CROCC2: variants seen among roughly 807,000 people sequenced by gnomAD.
CROCC2 encodes the protein ciliary rootlet coiled-coil, rootletin family member 2.
A neutral mutation model predicts 177.6 loss-of-function variants in CROCC2; 163 were observed. The ratio of observed to expected loss-of-function variants is 0.92; its 90% confidence interval spans 0.81 to 1.05. CROCC2 has a LOEUF of 1.05. CROCC2 is among the 50% of genes least tolerant of loss of function. CROCC2 has a pLI of 0.00. For synonymous variants in CROCC2, 904 were observed against 787.3 expected (o/e 1.15, Z -2.48); for missense variants, 1,929 against 1,797.8 (o/e 1.07, Z -1.32).
At chr2:240,936,736 G>C (rs1184366993) in intron 14 of CROCC2, among the ~76,000 whole-genome samples, 5 of 152,160 alleles carry the variant, frequency 3.3e-5, no homozygotes, top group Admixed American at 3.3e-4. Flanking sequence ...CCTGAACCCT[G>C]CCTACAAAGA....
intron 18 of CROCC2, among the ~76,000 whole-genome samples, chr2:240,951,274 T>C (rs537107127): frequency 1.4e-5 from 2 of 146,368 alleles, no homozygotes; most frequent in South Asian, 4.4e-4. Flanking sequence ...CATCCGTCTG[T>C]CCATCCATTC....
At chr2:240,923,322 C>A (rs2059369472) in intron 4 of CROCC2, among the ~76,000 whole-genome samples, 2 of 152,008 alleles carry the variant, frequency 1.3e-5, no homozygotes, top group Non-Finnish European at 2.9e-5. Flanking sequence ...GCAACAGACC[C>A]TGGCCACCAG....
At chr2:240,983,171 G>T (rs2059813148) in intron 28 of CROCC2, 142 bp downstream of exon 28, 1 of 939,040 alleles carries the variant, frequency 1.1e-6, no homozygotes. Context: ...CAGGTGAGCA[G>T]GCCTGCAGAG....
intron 27 of CROCC2, among the ~76,000 whole-genome samples, chr2:240,969,180 C>A (rs1412968972): frequency 6.6e-6 from 1 of 152,200 alleles, no homozygotes; most frequent in Non-Finnish European, 1.5e-5. Context: ...ATGAGGGAGG[C>A]CTGGGTGAGC....
chr2:240,967,493 C>A (rs1322928000), intron 26 of CROCC2, 28 bp downstream of exon 26: 4 of 1,546,512 alleles, frequency 2.6e-6, no homozygotes, highest in Non-Finnish European at 3.5e-6. Flanking sequence ...GCCCCGCCCA[C>A]CCTGGGAGTG....
chr2:240,911,511 G>A (rs1559586646), intron 1 of CROCC2, among the ~76,000 whole-genome samples: 1 of 152,020 alleles, frequency 6.6e-6, no homozygotes, highest in Admixed American at 6.5e-5. Context: ...GTAGCCAGGA[G>A]GGTCTCGAAC....
chr2:240,909,241 C>G lies in CROCC2; in HGVS notation c.78+2650C>G, dbSNP rs1048796938. Among the ~76,000 whole-genome samples, 4 of 138,640 alleles carry G rather than the reference C, an allele frequency of 2.9e-5. No individual in the cohort carries two copies. In the Middle Eastern group the frequency reaches 0.011, roughly 366 times the overall value. 91.0% of individuals were successfully genotyped at this position (138,640 alleles called of 152,430 possible). On this transcript the variant is annotated intron_variant, in intron 1 of 31. Transcript: ENST00000690015. ...CTGGGGTGAGCTCTACCTCCTCCAC[C>G]TGGCGTGAGCTCTACCTCCTCCACC...
Position 240,958,236 on chromosome 2 carries a change from C to T in CROCC2, c.2944-1065C>T. 1 of 973,482 alleles carries T rather than the reference C, an allele frequency of 1.0e-6. No homozygotes were observed. The highest frequency in any genetic ancestry group is 1.2e-6 in the Non-Finnish European group (1 of 818,958). 60.3% of individuals were successfully genotyped at this position (973,482 alleles called of 1,614,324 possible). On this transcript the variant is annotated intron_variant, in intron 19 of 31. Coordinates refer to ENST00000690015, the MANE Select transcript of CROCC2 (RefSeq NM_001351305.2). This position sits in a 1 kb window ranked among gnomAD's most constrained non-coding sequence, Gnocchi z 6.7. Reference sequence around the variant, plus strand: ...TGCCATCGGGCTCCCAGCCGATGCCCTGTCCCTGAGGCCCTCACAGGGGTA... The same window carrying T: ...TGCCATCGGGCTCCCAGCCGATGCCTTGTCCCTGAGGCCCTCACAGGGGTA...
chr2:240,949,738 A>G lies in CROCC2; in HGVS notation c.2652+36A>G. 1 of 1,514,164 alleles carries G rather than the reference A, an allele frequency of 6.6e-7. No homozygotes were observed. Among genetic ancestry groups the G allele is most frequent in the Admixed American group, 2.1e-5 (1 of 47,150 alleles). The allele number at this position is 1,514,164 out of a possible 1,614,324, so 93.8% of individuals were successfully genotyped here. A position where few individuals can be genotyped will look rare whatever the true frequency, so the allele number is the denominator to read the frequency against. On this transcript the variant is annotated intron_variant, in intron 17 of 31. Transcript: ENST00000690015. The surrounding 1 kb of genome is among the most constrained non-coding windows in gnomAD (Gnocchi z 4.5). The stretch of plus-strand genomic sequence containing the variant: ...CAGGAGCCCACCAGTAGCTTCCTAG[A>G]AGGCTACCAGGTCCCGGGGAATGGC...
At chr2:240,926,972 T>C (rs4234092) in intron 5 of CROCC2, among the ~76,000 whole-genome samples, 113,789 of 152,268 alleles carry the variant, frequency 0.75, 43,720 homozygotes, top group African/African-American at 0.9. Flanking sequence ...GAGCCGATTC[T>C]GCTGTGTGAG....
intron 15 of CROCC2, among the ~76,000 whole-genome samples, chr2:240,948,202 C>A (rs2059534494): frequency 6.6e-6 from 1 of 152,160 alleles, no homozygotes; most frequent in African/African-American, 2.4e-5. Context: ...GAGTAGCATG[C>A]AGCAGAGTGA....
At chr2:240,970,769 T>C (rs995383539) in intron 27 of CROCC2, among the ~76,000 whole-genome samples, 5 of 152,194 alleles carry the variant, frequency 3.3e-5, no homozygotes, top group Non-Finnish European at 7.4e-5. Context: ...CCCAGGGCTC[T>C]CTACCCACAG....
rs1350023283 is a variant in CROCC2 at position 240,917,318 on chromosome 2, G to T, written c.79-1408G>T. ...CGGCGAGGGGGGCCGCGATCTTTGG[G>T]GTGCAGATGGAGGAGGAGGCCTGTG... On this transcript the variant is annotated intron_variant, in intron 1 of 31. Transcript: ENST00000690015. The surrounding 1 kb of genome is among the most constrained non-coding windows in gnomAD (Gnocchi z 4.9). 1.4e-5 allele frequency among the ~76,000 whole-genome samples: 2 copies of T among 145,084 alleles called. No homozygotes were observed. Among genetic ancestry groups the T allele is most frequent in the Non-Finnish European group, 2.9e-5 (2 of 67,932 alleles).
chr2:240,921,420 G>T (rs1001315888), intron 3 of CROCC2, among the ~76,000 whole-genome samples: 1 of 152,218 alleles, frequency 6.6e-6, no homozygotes, highest in African/African-American at 2.4e-5. Flanking sequence ...CTTCCTGGGA[G>T]CCCCTACAGC....
rs950518872 is a variant in CROCC2, at chr2:240,966,281, C to G, written c.4018C>G (p.Pro1340Ala). The change falls in exon 25 of 32, where the codon CCC (proline) becomes GCC (alanine). Residue 1340 changes from proline to alanine, a missense_variant. Physicochemically the swap from Pro to Ala is conservative, Grantham distance 27. Transcript: ENST00000690015. ...ACAGGGTACCAGCCCCCCAGCCAGG[C>G]CCCACTCGCCCCTCCGATGGCCCTC... ...GQQGTSPPAR[P>A]HSPLRWPSPT... 1 of 484,784 alleles carries G rather than the reference C, an allele frequency of 2.1e-6. No homozygotes were observed. The highest frequency in any genetic ancestry group is 3.5e-5 in the East Asian group (1 of 28,414). 30.0% of individuals were successfully genotyped at this position (484,784 alleles called of 1,614,324 possible). A position where few individuals can be genotyped will look rare whatever the true frequency, so the allele number is the denominator to read the frequency against.
At chr2:240,910,283 C>A (rs1289187161) in intron 1 of CROCC2, among the ~76,000 whole-genome samples, 1 of 144,378 alleles carries the variant, frequency 6.9e-6, no homozygotes, top group Non-Finnish European at 1.5e-5. Context: ...CACCCAGACC[C>A]GCAGCTGATG....
At chr2:240,950,289 C>T (rs975557235) in intron 17 of CROCC2, 45 bp from the exon 18 acceptor site, 9 of 1,524,970 alleles carry the variant, frequency 5.9e-6, no homozygotes, top group Admixed American at 2.1e-5. Flanking sequence ...CAACTGCTGG[C>T]CTCACCTGCC....
intron 26 of CROCC2, among the ~76,000 whole-genome samples, 174 bp from the exon 27 acceptor site, chr2:240,967,955 G>A (rs369285770): frequency 2.6e-5 from 4 of 152,176 alleles, no homozygotes; most frequent in East Asian, 3.9e-4. Flanking sequence ...AGGCAGGAGG[G>A]AAGGATGGGT....
At position 240,949,508 on chromosome 2, in the gene CROCC2, G is replaced by T. The variant is rs914739384; in HGVS notation, c.2483-25G>T. Reference sequence around the variant, plus strand: ...TCAGGGGTCCACATGCCAGGCCCTGGTGCATCTCACCCATCACCCCACAGT... The same window carrying T: ...TCAGGGGTCCACATGCCAGGCCCTGTTGCATCTCACCCATCACCCCACAGT... On this transcript the variant is annotated intron_variant, in intron 16 of 31. Transcript: ENST00000690015. The surrounding 1 kb of genome is among the most constrained non-coding windows in gnomAD (Gnocchi z 4.5). 6.5e-7 allele frequency: 1 copy of T among 1,547,806 alleles called. No individual in the cohort carries two copies. The highest frequency in any genetic ancestry group is 8.7e-7 in the Non-Finnish European group (1 of 1,144,704).
Sources: gnomAD v4.1 joint callset for allele counts (sites outside exome capture counted in the v4.1 genomes callset) on GRCh38, gnomAD v4.1.1 for gene constraint, Gnocchi (gnomAD v3.1) non-coding constraint, MANE v1.5 for transcripts, NCBI Gene and HGNC (gene_info 2026-07-23, HGNC 2026-07-21) for gene names.